Variants in ZNF804A observed in about 807,000 individuals in gnomAD.
The protein encoded by ZNF804A is zinc finger protein 804A.
Under a neutral mutation model 16.5 loss-of-function variants are expected in ZNF804A, and 2 were observed. The observed-to-expected ratio is 0.12, with a 90% CI of 0.05 to 0.38. ZNF804A has a LOEUF of 0.38. Among genes scored for constraint, ZNF804A ranks in the 10% least tolerant of loss-of-function variants. The probability of loss-of-function intolerance (pLI) is 0.99; values close to 1 mark genes in which losing one functional copy is unlikely to be tolerated. For synonymous variants in ZNF804A, 534 were observed against 489.6 expected (o/e 1.09, Z -1.20); for missense variants, 1,473 against 1,390.7 (o/e 1.06, Z -0.94).
chr2:184,938,139 A>G lies in ZNF804A; in HGVS notation c.2743A>G (p.Thr915Ala). Residue 915 changes from threonine to alanine, a missense_variant, in exon 4 of 4, where the codon ACC (threonine) becomes GCC (alanine). By Grantham distance (58) the Thr-to-Ala change is moderately conservative (BLOSUM62 0). Transcript: ENST00000302277. ...GELSDVSNDP[T>A]TSVCVASAPT... is the part of the protein sequence containing the mutation. ...ATTGTCAGATGTTTCCAATGATCCCACCACATCTGTCTGTGTAGCTAGTGC... is the reference window on the plus strand; with the variant it reads ...ATTGTCAGATGTTTCCAATGATCCCGCCACATCTGTCTGTGTAGCTAGTGC... 1 of 1,614,122 alleles carries G rather than the reference A, an allele frequency of 6.2e-7. No homozygotes were observed. The highest frequency in any genetic ancestry group is 2.2e-5 in the East Asian group (1 of 44,852).
chr2:184,822,250 T>G (rs1424069174), intron 1 of ZNF804A, among the ~76,000 whole-genome samples: 8 of 152,242 alleles, frequency 5.3e-5, no homozygotes, highest in Admixed American at 5.2e-4. Flanking sequence ...GGAAATCATG[T>G]CTTTTGCAGG....
intron 1 of ZNF804A, among the ~76,000 whole-genome samples, chr2:184,763,463 C>G (rs1469706932): frequency 1.3e-5 from 2 of 151,822 alleles, no homozygotes; most frequent in Non-Finnish European, 2.9e-5. Flanking sequence ...AATATTACTA[C>G]TAAGACTTCC....
chr2:184,617,795 C>A (rs1691350960), intron 1 of ZNF804A, among the ~76,000 whole-genome samples: 1 of 151,524 alleles, frequency 6.6e-6, no homozygotes, highest in East Asian at 1.9e-4. Context: ...TAAAATAAAT[C>A]AACAAACTTT....
chr2:184,913,711 T>G (rs1246485121), intron 2 of ZNF804A, among the ~76,000 whole-genome samples: 1 of 152,164 alleles, frequency 6.6e-6, no homozygotes, highest in African/African-American at 2.4e-5. Context: ...AGTTTTTGAT[T>G]CTTTGTTTCA....
rs536359456 is a variant in ZNF804A at position 184,720,433 on chromosome 2, CA to C, written c.111+121368del. Among the ~76,000 whole-genome samples the C allele has an allele frequency of 2.0e-3, 307 of 152,084 alleles. 1 individual carries two copies. Among genetic ancestry groups the C allele is most frequent in the African/African-American group, 7.1e-3 (295 of 41,518 alleles). On this transcript the variant is annotated intron_variant, in intron 1 of 3. Coordinates refer to ENST00000302277, the MANE Select transcript of ZNF804A (RefSeq NM_194250.2). The stretch of plus-strand genomic sequence containing the variant: ...AATTGCAGGATACAAAATCAACATA[CA>C]AAAACCAGTAATTTTTCTACACACC...
chr2:184,887,666 C>T (rs1684917167), intron 2 of ZNF804A, among the ~76,000 whole-genome samples: 1 of 152,066 alleles, frequency 6.6e-6, no homozygotes, highest in Admixed American at 6.6e-5. Context: ...AAGCAGAAAC[C>T]CCTGATAAAC....
At chr2:184,888,320 A>T (rs1309656640) in intron 2 of ZNF804A, among the ~76,000 whole-genome samples, 1 of 152,162 alleles carries the variant, frequency 6.6e-6, no homozygotes, top group Non-Finnish European at 1.5e-5. Context: ...CTCCACCTCA[A>T]ATTCTACCAC....
rs763195212 is a variant in ZNF804A, at chr2:184,938,435, T to G, written c.3039T>G (p.Ser1013Arg). ...PPLPFKEAHV[S>R]GHTFVTAEQI... ...TACCATTCAAAGAAGCACATGTCAGTGGTCATACTTTTGTAACAGCTGAGC... is the reference window on the plus strand; with the variant it reads ...TACCATTCAAAGAAGCACATGTCAGGGGTCATACTTTTGTAACAGCTGAGC... The change falls in exon 4 of 4, where the codon AGT (serine) becomes AGG (arginine). Residue 1013 changes from serine to arginine, a missense_variant. By Grantham distance (110) the Ser-to-Arg change is moderately radical. Transcript: ENST00000302277. 6 of 1,614,076 alleles carry G rather than the reference T, an allele frequency of 3.7e-6. No homozygotes were observed. The South Asian group carries it at 6.6e-5, about 18-fold the overall frequency.
intron 1 of ZNF804A, among the ~76,000 whole-genome samples, chr2:184,806,720 CTT>C (rs1457410246): frequency 4.0e-5 from 6 of 151,744 alleles, no homozygotes; most frequent in Non-Finnish European, 8.9e-5. Context: ...TTTGTGTACT[CTT>C]AGGCTAAAGG....
intron 1 of ZNF804A, among the ~76,000 whole-genome samples, chr2:184,770,686 A>C (rs10497656): frequency 0.035 from 5,353 of 152,102 alleles, 306 homozygotes; most frequent in African/African-American, 0.12. Flanking sequence ...AAAAATGTCA[A>C]AGGCTAATAT....
At chr2:184,891,816 T>C (rs1684987970) in intron 2 of ZNF804A, among the ~76,000 whole-genome samples, 1 of 152,220 alleles carries the variant, frequency 6.6e-6, no homozygotes, top group Non-Finnish European at 1.5e-5. Context: ...AGGAATAGTG[T>C]CTTTCTTAGT....
chr2:184,846,200 G>A (rs927662114), intron 1 of ZNF804A, among the ~76,000 whole-genome samples: 1 of 152,014 alleles, frequency 6.6e-6, no homozygotes, highest in Non-Finnish European at 1.5e-5. Context: ...GCACTCATGT[G>A]TTTAAAATAA....
intron 1 of ZNF804A, among the ~76,000 whole-genome samples, chr2:184,700,821 T>C (rs1162768097): frequency 6.6e-6 from 1 of 152,028 alleles, no homozygotes; most frequent in Non-Finnish European, 1.5e-5. Flanking sequence ...ATTATGTGTG[T>C]ATTATTTGGA....
Position 184,814,390 on chromosome 2 carries a change from G to C in ZNF804A, c.112-51979G>C, listed in dbSNP as rs139351851. 2.2e-3 allele frequency among the ~76,000 whole-genome samples: 327 copies of C among 152,078 alleles called. 1 individual carries two copies. The highest frequency in any genetic ancestry group is 6.8e-3 in the Middle Eastern group (2 of 294). ...GATAAGTTAGAGAAGTTATTCAGAC[G>C]TCAGTTTTCTCATTTGTTAAATTAA... On this transcript the variant is annotated intron_variant, in intron 1 of 3. Coordinates refer to ENST00000302277, the MANE Select transcript of ZNF804A (RefSeq NM_194250.2).
rs1685847570 is a variant in ZNF804A, at chr2:184,938,863, G to T, written c.3467G>T (p.Cys1156Phe). ...GTAGGACCAGTAGGACCGAGGCTTT[G>T]TCCTGGGAACCAGCCAACTTTTGTT... The part of the protein sequence containing the change: ...LSVGPVGPRL[C>F]PGNQPTFVAP... Residue 1156 changes from cysteine (C) to phenylalanine (F), a missense_variant, in exon 4 of 4, where the codon TGT becomes TTT. Physicochemically the swap from Cys to Phe is radical, Grantham distance 205 (BLOSUM62 -2). Transcript: ENST00000302277. 4.3e-6 allele frequency: 7 copies of T among 1,613,882 alleles called. No individual in the cohort carries two copies. The highest frequency in any genetic ancestry group is 1.3e-5 in the African/African-American group (1 of 74,892).
chr2:184,850,955 G>A (rs967394025), intron 1 of ZNF804A, among the ~76,000 whole-genome samples: 2 of 151,518 alleles, frequency 1.3e-5, no homozygotes, highest in Non-Finnish European at 3.0e-5. Flanking sequence ...AAATGACTGG[G>A]TACCACACTC....
intron 2 of ZNF804A, among the ~76,000 whole-genome samples, chr2:184,889,334 T>C (rs1353471030): frequency 2.6e-5 from 4 of 151,354 alleles, no homozygotes. Context: ...TGTACGATAA[T>C]CTAATTGAGA....
Position 184,938,713 on chromosome 2 carries a change from A to C in ZNF804A, c.3317A>C (p.His1106Pro). The C allele has an allele frequency of 6.2e-7, 1 of 1,612,536 alleles. No homozygotes were observed. The highest frequency in any genetic ancestry group is 1.3e-5 in the African/African-American group (1 of 74,816). Residue 1106 changes from histidine (H) to proline (P), a missense_variant, in exon 4 of 4, where the codon CAC (histidine) becomes CCC (proline). Transcript: ENST00000302277. ...TTIHHTVLQQ[H>P]AAAAAAAAAA... is the part of the protein sequence containing the mutation. The stretch of plus-strand genomic sequence containing the variant: ...ATCCATCACACTGTTTTGCAGCAGC[A>C]CGCTGCAGCTGCTGCAGCTGCAGCT...
At chr2:184,636,439 G>T (rs1432878517) in intron 1 of ZNF804A, among the ~76,000 whole-genome samples, 2 of 135,836 alleles carry the variant, frequency 1.5e-5, no homozygotes, top group Admixed American at 7.3e-5. Context: ...GTGTGTGTGT[G>T]TGTGTGTGTG....
Sources: gnomAD v4.1 joint callset for allele counts (sites outside exome capture counted in the v4.1 genomes callset) on GRCh38, gnomAD v4.1.1 for gene constraint, MANE v1.5 for transcripts, NCBI Gene and HGNC (gene_info 2026-07-23, HGNC 2026-07-21) for gene names.